Variants in TOGARAM2 observed in about 807,000 individuals in gnomAD.
TOGARAM2 encodes TOG array regulator of axonemal microtubules 2, also known as TOG array regulator of axonemal microtubules protein 2.
TOGARAM2 carries 85 observed loss-of-function variants against 93.3 expected under a neutral mutation model. The observed-to-expected ratio is 0.91, with a 90% CI of 0.76 to 1.09. The LOEUF is 1.09. Among genes scored for constraint, TOGARAM2 ranks in the 50% least tolerant of loss-of-function variants. TOGARAM2 has a pLI of 0.00. For synonymous variants in TOGARAM2, 593 were observed against 552.8 expected, an observed-to-expected ratio of 1.07 and a Z score of -1.02; for missense variants, 1,277 against 1,334.5, an observed-to-expected ratio of 0.96 and a Z score of 0.67.
intron 1 of TOGARAM2, among the ~76,000 whole-genome samples, chr2:28,975,894 T>C (rs1672019762): frequency 6.6e-6 from 1 of 152,164 alleles, no homozygotes; most frequent in African/African-American, 2.4e-5. Flanking sequence ...TTGCTGATGA[T>C]GGGATGGAAT....
intron 6 of TOGARAM2, among the ~76,000 whole-genome samples, chr2:29,010,758 C>T (rs1664196687): frequency 6.6e-6 from 1 of 152,012 alleles, no homozygotes; most frequent in Non-Finnish European, 1.5e-5. Flanking sequence ...TATTGATGCT[C>T]CATTCCCAGT....
chr2:29,014,537 G>C lies in TOGARAM2; in HGVS notation c.1020G>C (p.Glu340Asp), dbSNP rs1479518889. ...AAGCCTGCCCTCCGCTGAAAGAAGA[G>C]GACCAGAAGGAGATCGGCACCAAGG... is the stretch of plus-strand genomic sequence containing the variant. ...AREACPPLKE[E>D]DQKEIGTKIQ... Residue 340 changes from glutamate to aspartate, a missense_variant, in exon 8 of 20, where the codon GAG (glutamate) becomes GAC (aspartate). Transcript: ENST00000379558. The C allele has an allele frequency of 5.1e-6, 8 of 1,570,018 alleles. No individual in the cohort carries two copies. In the African/African-American group the frequency reaches 6.8e-5, roughly 13 times the overall value.
intron 1 of TOGARAM2, among the ~76,000 whole-genome samples, chr2:28,965,793 C>T (rs1671858668): frequency 6.6e-6 from 1 of 152,180 alleles, no homozygotes; most frequent in Non-Finnish European, 1.5e-5. Flanking sequence ...ATATCTGTCT[C>T]CTCAGTACCA....
intron 19 of TOGARAM2, chr2:29,047,367 C>A (rs1440275450): frequency 6.6e-6 from 1 of 152,232 alleles, no homozygotes; most frequent in African/African-American, 2.4e-5. Context: ...AGTATCTTCA[C>A]CTTATCCACT....
At chr2:29,019,696 T>G (rs1408507575) in intron 10 of TOGARAM2, among the ~76,000 whole-genome samples, 1 of 152,182 alleles carries the variant, frequency 6.6e-6, no homozygotes, top group African/African-American at 2.4e-5. Context: ...GTTATGTTGT[T>G]GGAGTTAGGA....
At chr2:29,032,286 T>G (rs1665811946) in intron 14 of TOGARAM2, among the ~76,000 whole-genome samples, 1 of 152,190 alleles carries the variant, frequency 6.6e-6, no homozygotes, top group Non-Finnish European at 1.5e-5. Context: ...TATATCCCCC[T>G]GCTGACATGT....
chr2:29,040,303 C>T lies in TOGARAM2; in HGVS notation c.2635+3546C>T, dbSNP rs1285435516. 1.5e-4 allele frequency among the ~76,000 whole-genome samples: 23 copies of T among 152,136 alleles called. 1 individual carries two copies. Among genetic ancestry groups the T allele is most frequent in the Non-Finnish European group, 4.4e-5 (3 of 68,016 alleles). On this transcript the variant is annotated intron_variant, in intron 18 of 19. Transcript: ENST00000379558. ...TAGAAAACCGAAAGTTCACTTCTAC[C>T]ACTGTAAAGAAGTCATACTTATTTT...
At chr2:28,957,898 T>A (rs1454044293) in intron 1 of TOGARAM2, among the ~76,000 whole-genome samples, 2 of 152,128 alleles carry the variant, frequency 1.3e-5, no homozygotes. Context: ...CAGTGTTGAA[T>A]GTCCCTAGGA....
chr2:29,026,536 ATGG>A (rs1665379029), intron 13 of TOGARAM2, among the ~76,000 whole-genome samples: 1 of 152,192 alleles, frequency 6.6e-6, no homozygotes, highest in Non-Finnish European at 1.5e-5. Flanking sequence ...TGGAGGGAAG[ATGG>A]AGAAGAGTAC....
chr2:28,984,819 C>G (rs994616003), intron 1 of TOGARAM2, among the ~76,000 whole-genome samples: 1 of 152,206 alleles, frequency 6.6e-6, no homozygotes, highest in Non-Finnish European at 1.5e-5. Flanking sequence ...CTCCCAAAAC[C>G]TTAATCCTTG....
intron 7 of TOGARAM2, among the ~76,000 whole-genome samples, chr2:29,013,378 T>G (rs1333139703): frequency 6.6e-6 from 1 of 152,060 alleles, no homozygotes; most frequent in African/African-American, 2.4e-5. Flanking sequence ...AGGAGTTTAT[T>G]AGGGAGAATT....
At chr2:28,976,102 G>A (rs1378297417) in intron 1 of TOGARAM2, among the ~76,000 whole-genome samples, 3 of 152,182 alleles carry the variant, frequency 2.0e-5, no homozygotes, top group African/African-American at 4.8e-5. Context: ...CAGGTGTGGC[G>A]GCTCACGCCT....
chr2:29,019,784 G>C (rs1664818290), intron 10 of TOGARAM2, among the ~76,000 whole-genome samples: 1 of 152,194 alleles, frequency 6.6e-6, no homozygotes, highest in Admixed American at 6.5e-5. Context: ...TCTCCTCACA[G>C]TGAACAAATA....
chr2:29,006,304 T>G (rs903749458), intron 6 of TOGARAM2, among the ~76,000 whole-genome samples: 2 of 149,452 alleles, frequency 1.3e-5, no homozygotes, highest in South Asian at 2.1e-4. Context: ...TGTGTGTGTG[T>G]GAGTGCCTGT....
Position 28,999,397 on chromosome 2 carries a change from G to A in TOGARAM2, c.356G>A (p.Arg119Lys), listed in dbSNP as rs1328846356. The A allele has an allele frequency of 6.2e-7, 1 of 1,613,374 alleles. No homozygotes were observed. The highest frequency in any genetic ancestry group is 8.5e-7 in the Non-Finnish European group (1 of 1,179,658). The change falls in exon 4 of 20, where the codon AGG becomes AAG. Residue 119 changes from arginine (R) to lysine (K), a missense_variant. Physicochemically the swap from Arg to Lys is conservative, Grantham distance 26. Transcript: ENST00000379558. ...SPESEANSVA[R>K]DTIQIKDKLK... ...GAGTCAGAGGCCAACAGCGTGGCCA[G>A]GGACACCATCCAGATTAAGGACAAG...
chr2:28,957,478 G>A (rs1282779108), intron 1 of TOGARAM2, among the ~76,000 whole-genome samples: 1 of 152,178 alleles, frequency 6.6e-6, no homozygotes, highest in Non-Finnish European at 1.5e-5. Flanking sequence ...ACTGCGCCTG[G>A]CCAAGAATTG....
At chr2:28,980,277 G>C (rs1240888429), upstream of TOGARAM2, among the ~76,000 whole-genome samples, 1 of 152,184 alleles carries the variant, frequency 6.6e-6, no homozygotes, top group Non-Finnish European at 1.5e-5. Flanking sequence ...TACTCCCAAG[G>C]CCTGCCCTCC....
chr2:28,969,179 G>A (rs1009573292), intron 1 of TOGARAM2, among the ~76,000 whole-genome samples: 2 of 152,232 alleles, frequency 1.3e-5, no homozygotes, highest in African/African-American at 4.8e-5. Flanking sequence ...GATTCTAGCT[G>A]GGCGTCAGGA....
chr2:29,003,911 C>T (rs773705148), intron 6 of TOGARAM2, among the ~76,000 whole-genome samples: 8 of 152,246 alleles, frequency 5.3e-5, no homozygotes, highest in African/African-American at 1.7e-4. Context: ...AATGGCATCA[C>T]GAACAATGTC....
Sources: allele counts gnomAD v4.1 joint callset (sites outside exome capture counted in the v4.1 genomes callset), GRCh38; gene constraint gnomAD v4.1.1; transcripts MANE v1.5; gene names NCBI Gene and HGNC (gene_info 2026-07-23, HGNC 2026-07-21).